PTPRD: variants seen among roughly 807,000 people sequenced by gnomAD.
PTPRD encodes receptor-type tyrosine-protein phosphatase delta.
Under a neutral mutation model 214.5 loss-of-function variants are expected in PTPRD, and 34 were observed. The ratio of observed to expected loss-of-function variants is 0.16; its 90% CI spans 0.12 to 0.21. PTPRD has a LOEUF of 0.21. Ranked by LOEUF, PTPRD falls within the 10% of genes least tolerant of loss-of-function variation. The pLI is 1.00. For synonymous variants in PTPRD, 1,128 were observed against 845.7 expected (o/e 1.33, Z -5.79); for missense variants, 2,545 against 2,398.7 (o/e 1.06, Z -1.27).
At chr9:10,309,518 A>AT (rs1444200157) in intron 3 of PTPRD, among the ~76,000 whole-genome samples, 134 of 123,440 alleles carry the variant, frequency 1.1e-3, no homozygotes, top group African/African-American at 5.1e-3. Context: ...ACATCCAGCT[A>AT]TTTCTTTTTT....
chr9:9,787,061 C>T (rs138470840), intron 5 of PTPRD, among the ~76,000 whole-genome samples: 176 of 151,946 alleles, frequency 1.2e-3, no homozygotes, highest in Middle Eastern at 6.8e-3. Context: ...TGCTTGAACC[C>T]GGGCAGCGGA....
intron 9 of PTPRD, among the ~76,000 whole-genome samples, chr9:9,354,744 A>C (rs2053034126): frequency 6.6e-6 from 1 of 151,822 alleles, no homozygotes; most frequent in Non-Finnish European, 1.5e-5. Context: ...GGGATTAGGT[A>C]AGTAAGATAG....
intron 7 of PTPRD, among the ~76,000 whole-genome samples, chr9:9,621,964 C>T (rs563386810): frequency 6.6e-6 from 1 of 152,194 alleles, no homozygotes; most frequent in South Asian, 2.1e-4. Flanking sequence ...ATCCAGTCAC[C>T]CATACTGAAC....
chr9:8,435,411 T>C (rs2095302244), intron 35 of PTPRD, among the ~76,000 whole-genome samples: 2 of 152,136 alleles, frequency 1.3e-5, no homozygotes, highest in Admixed American at 1.3e-4. Context: ...ATACAACAGA[T>C]ACCAAGAGGT....
intron 4 of PTPRD, among the ~76,000 whole-genome samples, chr9:9,973,352 G>T (rs554631777): frequency 6.6e-6 from 1 of 150,530 alleles, no homozygotes; most frequent in Non-Finnish European, 1.5e-5. Flanking sequence ...TGCGTCTGTC[G>T]TCCCAGCTAC....
chr9:9,221,975 A>G (rs1269322413), intron 9 of PTPRD, among the ~76,000 whole-genome samples: 1 of 152,070 alleles, frequency 6.6e-6, no homozygotes, highest in African/African-American at 2.4e-5. Context: ...AGTGATCTTT[A>G]TAGACATTAA....
At chr9:9,947,912 A>G (rs1234733306) in intron 4 of PTPRD, among the ~76,000 whole-genome samples, 1 of 151,670 alleles carries the variant, frequency 6.6e-6, no homozygotes, top group Non-Finnish European at 1.5e-5. Flanking sequence ...AGACAGCCTT[A>G]TAGGGAGCAG....
At chr9:9,806,569 C>T (rs1286265869) in intron 5 of PTPRD, among the ~76,000 whole-genome samples, 1 of 152,060 alleles carries the variant, frequency 6.6e-6, no homozygotes, top group South Asian at 2.1e-4. Context: ...CTGACTCCAC[C>T]GCCTATGCCA....
chr9:9,634,623 A>G (rs773229655), intron 7 of PTPRD, among the ~76,000 whole-genome samples: 28 of 152,194 alleles, frequency 1.8e-4, no homozygotes, highest in Non-Finnish European at 3.8e-4. Context: ...CAAAATATGA[A>G]CACAAAATAA....
intron 3 of PTPRD, among the ~76,000 whole-genome samples, chr9:10,045,578 G>C (rs1359511910): frequency 6.6e-6 from 1 of 151,498 alleles, no homozygotes; most frequent in Admixed American, 6.6e-5. Flanking sequence ...ATCATTTTGA[G>C]AATAATTTCT....
chr9:10,569,435 T>A (rs948044321), intron 2 of PTPRD, among the ~76,000 whole-genome samples: 2 of 152,106 alleles, frequency 1.3e-5, no homozygotes, highest in Non-Finnish European at 2.9e-5. Flanking sequence ...ATTATTTTAA[T>A]AACTTATTGG....
chr9:8,585,329 G>A (rs941604383), intron 14 of PTPRD, among the ~76,000 whole-genome samples: 2 of 152,130 alleles, frequency 1.3e-5, no homozygotes, highest in Non-Finnish European at 2.9e-5. Context: ...GAAATTGTGA[G>A]GCTCTGCAGT....
intron 11 of PTPRD, among the ~76,000 whole-genome samples, chr9:9,003,731 C>T (rs1567529083): frequency 6.6e-6 from 1 of 151,988 alleles, no homozygotes; most frequent in Admixed American, 6.6e-5. Context: ...CTCCTTAATG[C>T]CCATTCTGTG....
chr9:8,825,159 C>G (rs1292774428), intron 11 of PTPRD, among the ~76,000 whole-genome samples: 1 of 152,044 alleles, frequency 6.6e-6, no homozygotes, highest in Non-Finnish European at 1.5e-5. Context: ...CTTGTGGTTT[C>G]TGGACCTGTT....
At chr9:8,848,966 G>A (rs1192971835) in intron 11 of PTPRD, among the ~76,000 whole-genome samples, 1 of 151,694 alleles carries the variant, frequency 6.6e-6, no homozygotes, top group African/African-American at 2.4e-5. Context: ...TAAATGCTCA[G>A]TAAGTTTTAG....
chr9:9,555,317 C>CA (rs987627926), intron 8 of PTPRD, among the ~76,000 whole-genome samples: 4 of 151,994 alleles, frequency 2.6e-5, no homozygotes, highest in Non-Finnish European at 5.9e-5. Flanking sequence ...ATGTTCCCCC[C>CA]ATAATTATTG....
intron 11 of PTPRD, among the ~76,000 whole-genome samples, chr9:8,950,238 C>T (rs971811782): frequency 1.4e-4 from 22 of 152,140 alleles, no homozygotes; most frequent in African/African-American, 4.8e-4. Context: ...CTACTGCCTG[C>T]CAATTTCTGG....
intron 14 of PTPRD, among the ~76,000 whole-genome samples, chr9:8,622,200 C>G (rs1274011688): frequency 6.6e-6 from 1 of 151,890 alleles, no homozygotes; most frequent in Non-Finnish European, 1.5e-5. Context: ...AAGGTAATTA[C>G]TTAAGTTTTT....
intron 11 of PTPRD, among the ~76,000 whole-genome samples, chr9:8,834,374 T>C (rs574863542): frequency 3.9e-5 from 6 of 152,224 alleles, no homozygotes; most frequent in Admixed American, 1.3e-4. Context: ...TTCTTTTTTA[T>C]AGATAAAATG....
Sources: gnomAD v4.1 joint callset for allele counts (sites outside exome capture counted in the v4.1 genomes callset) on GRCh38, gnomAD v4.1.1 for gene constraint, MANE v1.5 for transcripts, NCBI Gene and HGNC (gene_info 2026-07-23, HGNC 2026-07-21) for gene names.